BCAR3: variants seen among roughly 807,000 people sequenced by gnomAD.
The protein encoded by BCAR3 is BCAR3 adaptor protein, NSP family member, also known as breast cancer anti-estrogen resistance protein 3.
Under a neutral mutation model 80.1 loss-of-function variants are expected in BCAR3, and 37 were observed. That is an observed-to-expected ratio of 0.46 (90% confidence interval 0.36 to 0.61). The LOEUF (loss-of-function observed/expected upper bound fraction) is 0.61. Ranked by LOEUF, BCAR3 falls within the 20% of genes least tolerant of loss-of-function variation. The probability of loss-of-function intolerance (pLI) is 0.00; values close to 1 mark genes in which losing one functional copy is unlikely to be tolerated. For synonymous variants in BCAR3, 389 were observed against 418.9 expected (o/e 0.93, Z 0.87); for missense variants, 978 against 1,068.2 (o/e 0.92, Z 1.18).
chr1:93,612,146 G>C (rs1674969051), intron 3 of BCAR3, among the ~76,000 whole-genome samples: 1 of 152,144 alleles, frequency 6.6e-6, no homozygotes, highest in South Asian at 2.1e-4. Flanking sequence ...CAAGTAACTA[G>C]CTAAGCAAAA....
At chr1:93,725,112 T>A (rs933483746) in intron 2 of BCAR3, among the ~76,000 whole-genome samples, 4 of 152,226 alleles carry the variant, frequency 2.6e-5, no homozygotes, top group Non-Finnish European at 5.9e-5. Context: ...TTCTACGTAG[T>A]TCACCTCCTT....
At chr1:93,568,195 AAAAT>A (rs1165071389) in intron 9 of BCAR3, 75 of 158,470 alleles carry the variant, frequency 4.7e-4, no homozygotes, top group South Asian at 3.7e-3. Context: ...CAAAAAAAAA[AAAAT>A]AAATAAAATA....
rs1252636848 is a variant in BCAR3, at chr1:93,567,403, T to C, written c.2175A>G (p.Glu725=). The C allele has an allele frequency of 1.2e-6, 2 of 1,613,938 alleles. No homozygotes were observed. The highest frequency in any genetic ancestry group is 1.7e-5 in the Admixed American group (1 of 60,000). The part of the protein sequence containing the change: ...TLMERQAVTF[E]GTDMWEKNDQ... ...CGTTTTTTTCCCACATGTCGGTTCCTTCAAAAGTCACAGCCTGGCGCTCCA... is the reference window on the plus strand; with the variant it reads ...CGTTTTTTTCCCACATGTCGGTTCCCTCAAAAGTCACAGCCTGGCGCTCCA... The change falls in exon 11 of 12, where the codon GAA becomes GAG. Residue 725 remains glutamate (E), a synonymous_variant. Coordinates refer to ENST00000260502, the MANE Select transcript of BCAR3 (RefSeq NM_003567.4).
chr1:93,598,727 G>C (rs1317097575), intron 3 of BCAR3, among the ~76,000 whole-genome samples: 1 of 152,152 alleles, frequency 6.6e-6, no homozygotes, highest in Non-Finnish European at 1.5e-5. Context: ...TTTGTCCTTT[G>C]GTTTTCCCTG....
Position 93,582,552 on chromosome 1 carries a change from C to G in BCAR3, c.1435G>C (p.Asp479His). 7.4e-6 allele frequency: 12 copies of G among 1,613,558 alleles called. No individual in the cohort carries two copies. Among genetic ancestry groups the G allele is most frequent in the Non-Finnish European group, 9.3e-6 (11 of 1,179,760 alleles). Reference protein sequence around the residue: ...RNSGVNYLILDDDDRERPWEP... With the variant: ...RNSGVNYLILHDDDRERPWEP... The stretch of plus-strand genomic sequence containing the variant: ...CAAGGTCTTTCCCTGTCATCATCAT[C>G]AAGGATCAAGTAGTTGACGCCAGAG... Residue 479 changes from aspartate (D) to histidine (H), a missense_variant, in exon 7 of 12, where the codon GAT (aspartate) becomes CAT (histidine). By Grantham distance (81) the Asp-to-His change is moderately conservative. Transcript: ENST00000260502.
intron 2 of BCAR3, among the ~76,000 whole-genome samples, chr1:93,749,348 G>A (rs1390493821): frequency 6.6e-6 from 1 of 152,020 alleles, no homozygotes; most frequent in Non-Finnish European, 1.5e-5. Context: ...CAGCACTTTG[G>A]GAGGCCGAGG....
intron 3 of BCAR3, among the ~76,000 whole-genome samples, chr1:93,615,592 G>C (rs985528387): frequency 3.9e-5 from 6 of 152,134 alleles, no homozygotes; most frequent in African/African-American, 9.7e-5. Context: ...AACTCAGAAG[G>C]GTTTTCTGAG....
intron 9 of BCAR3, chr1:93,568,079 G>C: frequency 2.4e-6 from 1 of 409,058 alleles, no homozygotes; most frequent in South Asian, 2.4e-5. Flanking sequence ...CCAGCTACTC[G>C]GGAGGTTGAG....
intron 3 of BCAR3, among the ~76,000 whole-genome samples, chr1:93,620,159 G>T (rs960745996): frequency 6.6e-6 from 1 of 152,200 alleles, no homozygotes; most frequent in Non-Finnish European, 1.5e-5. Flanking sequence ...GCCACGAGAA[G>T]AGAGTGGACA....
At chr1:93,787,988 G>A (rs1275635940) in intron 2 of BCAR3, among the ~76,000 whole-genome samples, 1 of 152,088 alleles carries the variant, frequency 6.6e-6, no homozygotes. Context: ...ATAAATTTGG[G>A]AGCTCCAGTG....
At chr1:93,601,768 G>A (rs565942526) in intron 3 of BCAR3, among the ~76,000 whole-genome samples, 13 of 152,310 alleles carry the variant, frequency 8.5e-5, no homozygotes, top group Admixed American at 2.6e-4. Context: ...GAAGAAGGAG[G>A]GAATGTGTGC....
intron 1 of BCAR3, among the ~76,000 whole-genome samples, chr1:93,680,812 G>C (rs1200464498): frequency 6.6e-6 from 1 of 152,162 alleles, no homozygotes; most frequent in Admixed American, 6.5e-5. Flanking sequence ...ATGCTTCGGA[G>C]TCCGCTCAAC....
chr1:93,785,959 C>T (rs1290001964), intron 2 of BCAR3, among the ~76,000 whole-genome samples: 4 of 145,714 alleles, frequency 2.7e-5, no homozygotes, highest in East Asian at 2.1e-4. Flanking sequence ...TTTGGGAGGC[C>T]GAGGCGGGCG....
In BCAR3 at chr1:93,688,651, G is replaced by A. The variant is rs538163682; in HGVS notation, c.-11-13710C>T. Among the ~76,000 whole-genome samples, 3 of 151,900 alleles carry A rather than the reference G, an allele frequency of 2.0e-5. No individual in the cohort carries two copies. In the East Asian group the frequency reaches 5.8e-4, roughly 30 times the overall value. On this transcript the variant is annotated intron_variant, in intron 3 of 13. Transcript: ENST00000370244. The stretch of plus-strand genomic sequence containing the variant: ...CACTCTGTTGGCCAGGCTGGAGTGC[G>A]GTGGAGCCATGACAGCTCACTGCAG...
rs371823163 is a variant in BCAR3 at position 93,592,240 on chromosome 1, C to CTCTG, written c.486+21_486+24dup. 288 of 1,613,196 alleles carry CTCTG rather than the reference C, an allele frequency of 1.8e-4. No homozygotes were observed. The African/African-American group carries it at 2.4e-3, about 13-fold the overall frequency. On this transcript the variant is annotated intron_variant, in intron 4 of 11. Transcript: ENST00000260502. The surrounding 1 kb of genome is among the most constrained non-coding windows in gnomAD (Gnocchi z 4.8). ...CATTGCCTGAGAGCAGCCGTGTATG[C>CTCTG]TCTGGAAGGGACAAGACCAGGTACC...
upstream of BCAR3, among the ~76,000 whole-genome samples, chr1:93,685,505 C>G (rs1299346273): frequency 1.3e-5 from 2 of 152,196 alleles, no homozygotes; most frequent in Non-Finnish European, 2.9e-5. Flanking sequence ...CAGAGGGACT[C>G]TCTTCATTCT....
chr1:93,762,619 C>G (rs1651989574), intron 2 of BCAR3, among the ~76,000 whole-genome samples: 1 of 152,328 alleles, frequency 6.6e-6, no homozygotes. Flanking sequence ...AAATGACACC[C>G]TTCACCCCGA....
At chr1:93,696,668 G>A (rs1649419574) in intron 3 of BCAR3, among the ~76,000 whole-genome samples, 1 of 152,194 alleles carries the variant, frequency 6.6e-6, no homozygotes, top group African/African-American at 2.4e-5. Flanking sequence ...CCCTTCAAGA[G>A]CTTCTTGCCA....
intron 2 of BCAR3, among the ~76,000 whole-genome samples, chr1:93,666,657 C>T (rs570546189): frequency 2.0e-5 from 3 of 152,322 alleles, no homozygotes; most frequent in African/African-American, 7.2e-5. Context: ...ACAGCAAAGA[C>T]ACTGATATTA....
Sources: gnomAD v4.1 joint callset for allele counts (sites outside exome capture counted in the v4.1 genomes callset) on GRCh38, gnomAD v4.1.1 for gene constraint, Gnocchi (gnomAD v3.1) non-coding constraint, MANE v1.5 for transcripts, NCBI Gene and HGNC (gene_info 2026-07-23, HGNC 2026-07-21) for gene names.